PCM1: variants seen among roughly 807,000 people sequenced by gnomAD.
PCM1 encodes the protein pericentriolar material 1, also known as pericentriolar material 1 protein.
PCM1 carries 157 observed loss-of-function variants against 241.9 expected under a neutral mutation model. That is an observed-to-expected ratio of 0.65 (90% CI 0.57 to 0.74). The LOEUF is 0.74. Ranked by LOEUF, PCM1 falls within the 30% of genes least tolerant of loss-of-function variation. PCM1 has a pLI of 0.00. For missense variants in PCM1, 3,478 were observed against 2,360.1 expected, an observed-to-expected ratio of 1.47 and a Z score of -9.81; for synonymous variants, 1,085 against 784.9, an observed-to-expected ratio of 1.38 and a Z score of -6.39.
In PCM1 at chr8:18,011,440, G is replaced by A. The variant is rs964349221; in HGVS notation, c.5350+74G>A. On this transcript the variant is annotated intron_variant, in intron 33 of 38. Coordinates refer to ENST00000325083, the MANE Select transcript of PCM1 (RefSeq NM_006197.4). ...TCATTTATTGGAACAGTTTGGTGGAGTGTAACAAGTATAAAATTAAGTGTC... is the reference window on the plus strand; with the variant it reads ...TCATTTATTGGAACAGTTTGGTGGAATGTAACAAGTATAAAATTAAGTGTC... 12 of 1,285,976 alleles carry A rather than the reference G, an allele frequency of 9.3e-6. No individual in the cohort carries two copies. In the African/African-American group the frequency reaches 1.1e-4, roughly 11 times the overall value. The allele number at this position is 1,285,976 out of a possible 1,614,324, so 79.7% of individuals were successfully genotyped here.
intron 10 of PCM1, among the ~76,000 whole-genome samples, chr8:17,956,301 T>G (rs1381701098): frequency 6.6e-6 from 1 of 152,208 alleles, no homozygotes; most frequent in Non-Finnish European, 1.5e-5. Flanking sequence ...ACTAGAAATC[T>G]TTTTGACATC....
At chr8:17,943,523 CT>C (rs1274605422) in intron 6 of PCM1, among the ~76,000 whole-genome samples, 1 of 152,038 alleles carries the variant, frequency 6.6e-6, no homozygotes, top group Non-Finnish European at 1.5e-5. Flanking sequence ...TCTGCCAGTT[CT>C]TTTTTTCTTA....
chr8:17,948,854 G>A (rs1452608741), intron 7 of PCM1, among the ~76,000 whole-genome samples: 1 of 152,084 alleles, frequency 6.6e-6, no homozygotes, highest in Admixed American at 6.6e-5. Context: ...CTTTCCTTTG[G>A]TAGTTAATAT....
rs371320371 is a variant in PCM1, at chr8:18,014,669, G to A, written c.5670G>A (p.Glu1890=). ...CTTTAAATAGTGCTGCCCATAAGGA[G>A]TCACCTCCTACTGTTGATTCAACTC... ...EQPLNSAAHK[E]SPPTVDSTQQ... Residue 1890 remains glutamate, a synonymous_variant, in exon 36 of 39, where the codon GAG becomes GAA. Coordinates refer to ENST00000325083, the MANE Select transcript of PCM1 (RefSeq NM_006197.4). The A allele has an allele frequency of 3.7e-6, 6 of 1,613,672 alleles. No homozygotes were observed. In the African/African-American group the frequency reaches 4.0e-5, roughly 11 times the overall value.
intron 13 of PCM1, among the ~76,000 whole-genome samples, chr8:17,959,055 A>G (rs973493457): frequency 3.3e-5 from 5 of 152,074 alleles, no homozygotes; most frequent in South Asian, 2.1e-4. Context: ...TAATAATCCT[A>G]TTCTTCTTCA....
At position 18,029,156 on chromosome 8, in the gene PCM1, CAAAAAAAAAAAA is replaced by C. The variant is rs11333913; in HGVS notation, c.*1509_*1520del. 10 of 56,392 alleles carry C rather than the reference CAAAAAAAAAAAA, an allele frequency of 1.8e-4. No individual in the cohort carries two copies. Among genetic ancestry groups the C allele is most frequent in the South Asian group, 8.8e-4 (1 of 1,142 alleles). 3.5% of individuals were successfully genotyped at this position (56,392 alleles called of 1,614,324 possible). On this transcript the variant is annotated 3_prime_UTR_variant, in exon 39 of 39. Transcript: ENST00000325083. Reference sequence around the variant, plus strand: ...CTGGCAACAGAGCGAGACTCTGTCTCAAAAAAAAAAAAAAAAAAAAAAAAAAGTTAACTTGCT... The same window carrying C: ...CTGGCAACAGAGCGAGACTCTGTCTCAAAAAAAAAAAAAAGTTAACTTGCT...
At chr8:17,954,023 C>G (rs1249387694) in intron 9 of PCM1, among the ~76,000 whole-genome samples, 3 of 152,190 alleles carry the variant, frequency 2.0e-5, no homozygotes, top group African/African-American at 7.2e-5. Flanking sequence ...ACAAAAGAAC[C>G]TTAATATTCC....
intron 23 of PCM1, among the ~76,000 whole-genome samples, chr8:17,979,402 G>C (rs1384204822): frequency 1.3e-5 from 2 of 152,194 alleles, no homozygotes; most frequent in East Asian, 3.8e-4. Context: ...AAGCCCAAGA[G>C]ATACTGGAAA....
intron 23 of PCM1, among the ~76,000 whole-genome samples, chr8:17,976,543 C>G (rs1384916207): frequency 2.0e-5 from 3 of 152,182 alleles, no homozygotes; most frequent in African/African-American, 7.2e-5. Context: ...CTCTCTTGTC[C>G]ATGTTCCAGG....
Position 17,939,877 on chromosome 8 carries a change from T to C in PCM1, c.783+16T>C. 7.3e-7 allele frequency: 1 copy of C among 1,376,860 alleles called. No homozygotes were observed. The highest frequency in any genetic ancestry group is 2.5e-5 in the East Asian group (1 of 39,980). The allele number at this position is 1,376,860 out of a possible 1,614,324, so 85.3% of individuals were successfully genotyped here. On this transcript the variant is annotated intron_variant, in intron 6 of 38. Coordinates refer to ENST00000325083, the MANE Select transcript of PCM1 (RefSeq NM_006197.4). ...AAAAATCCTTGTAAGTATTCGACTT[T>C]TAAAATAACATATTATTTTTGTAGT... is the stretch of plus-strand genomic sequence containing the variant.
intron 25 of PCM1, 114 bp from the exon 26 acceptor site, chr8:17,985,845 G>A (rs2082403645): frequency 1.3e-6 from 1 of 780,062 alleles, no homozygotes; most frequent in African/African-American, 1.8e-5. Flanking sequence ...TAACCTGTGA[G>A]GGTAGAAACA....
At chr8:17,948,353 G>A (rs959337519) in intron 7 of PCM1, among the ~76,000 whole-genome samples, 1 of 136,900 alleles carries the variant, frequency 7.3e-6, no homozygotes, top group Non-Finnish European at 1.5e-5. Flanking sequence ...TGCCCAGGCT[G>A]GAGTGCAATG....
chr8:17,986,931 T>C (rs1175790655), intron 26 of PCM1, among the ~76,000 whole-genome samples: 1 of 151,862 alleles, frequency 6.6e-6, no homozygotes, highest in Non-Finnish European at 1.5e-5. Flanking sequence ...ACTAAGTTTT[T>C]TCTGAAGCCA....
intron 13 of PCM1, 146 bp from the exon 14 acceptor site, chr8:17,959,868 C>G (rs1396870327): frequency 1.6e-6 from 1 of 616,522 alleles, no homozygotes; most frequent in Non-Finnish European, 2.7e-6. Flanking sequence ...ATATATTGAA[C>G]ACGTGTACAC....
chr8:17,964,720 C>A lies in PCM1; in HGVS notation c.2807C>A (p.Ser936Tyr). The A allele has an allele frequency of 6.2e-7, 1 of 1,613,842 alleles. No individual in the cohort carries two copies. The highest frequency in any genetic ancestry group is 1.1e-5 in the South Asian group (1 of 91,078). ...AATGATAACTTTTCTGTGTGTCCTT[C>A]TAACAGTGTGAATCATAACTCCTAC... ...SSNDNFSVCP[S>Y]NSVNHNSYNG... Residue 936 changes from serine to tyrosine, a missense_variant, in exon 18 of 39, where the codon TCT becomes TAT. Transcript: ENST00000325083.
At chr8:17,967,291 G>A in intron 21 of PCM1, 121 bp downstream of exon 21, 3 of 647,616 alleles carry the variant, frequency 4.6e-6, no homozygotes, top group Admixed American at 3.6e-5. Context: ...TGTTTGCAAA[G>A]AAAGTTACAA....
chr8:18,024,679 A>G (rs1322252385), intron 36 of PCM1, among the ~76,000 whole-genome samples: 2 of 152,174 alleles, frequency 1.3e-5, no homozygotes, highest in Admixed American at 6.5e-5. Flanking sequence ...GAAATGGTCA[A>G]ATTTATGGGC....
intron 24 of PCM1, among the ~76,000 whole-genome samples, chr8:17,981,245 T>G (rs1308311712): frequency 6.6e-6 from 1 of 152,202 alleles, no homozygotes; most frequent in Non-Finnish European, 1.5e-5. Flanking sequence ...GCTATCACAT[T>G]CTTTCTTACC....
Position 17,947,434 on chromosome 8 carries a change from T to C in PCM1, c.961+71T>C, listed in dbSNP as rs1205446293. On this transcript the variant is annotated intron_variant, in intron 7 of 38. Transcript: ENST00000325083. ...CATAATTGTATTGCAGGGTGGATGC[T>C]GATTATTACATAATCAGATCTTGAT... is the stretch of plus-strand genomic sequence containing the variant. The C allele has an allele frequency of 1.1e-5, 12 of 1,065,208 alleles. No homozygotes were observed. The East Asian group carries it at 2.7e-4, about 24-fold the overall frequency. The allele number at this position is 1,065,208 out of a possible 1,614,324, so 66.0% of individuals were successfully genotyped here. A position where few individuals can be genotyped will look rare whatever the true frequency, so the allele number is the denominator to read the frequency against.
Sources: allele counts gnomAD v4.1 joint callset (sites outside exome capture counted in the v4.1 genomes callset), GRCh38; gene constraint gnomAD v4.1.1; transcripts MANE v1.5; gene names NCBI Gene and HGNC (gene_info 2026-07-23, HGNC 2026-07-21).